The following MAN1C1 variants were observed in gnomAD, a reference collection of about 807,000 sequenced individuals.
The protein encoded by MAN1C1 is mannosidase alpha class 1C member 1, also known as mannosyl-oligosaccharide 1,2-alpha-mannosidase IC.
Under a neutral mutation model 71.5 loss-of-function variants are expected in MAN1C1, and 49 were observed. The ratio of observed to expected loss-of-function variants is 0.69; its 90% CI spans 0.54 to 0.87. The LOEUF is 0.87. MAN1C1 is among the 40% of genes least tolerant of loss of function. MAN1C1 has a pLI of 0.00. For synonymous variants in MAN1C1, 352 were observed against 343.7 expected (o/e 1.02, Z -0.27); for missense variants, 743 against 835.0 (o/e 0.89, Z 1.36).
At position 25,617,280 on chromosome 1, in the gene MAN1C1, C is replaced by T. The variant is rs996795222; in HGVS notation, c.-518C>T. 6.6e-6 allele frequency among the ~76,000 whole-genome samples: 1 copy of T among 151,810 alleles called. No homozygotes were observed. Among genetic ancestry groups the T allele is most frequent in the Non-Finnish European group, 1.5e-5 (1 of 67,892 alleles). ...GCGCGCGCTCGGGGCGGCGCTGACA[C>T]GCCAGCCCCCCATCGCCTCGGTCCC... is the stretch of plus-strand genomic sequence containing the variant. On this transcript the variant is annotated 5_prime_UTR_variant, in exon 1 of 12. It adds an upstream start codon to the 5' untranslated region. Coordinates refer to ENST00000374332, the MANE Select transcript of MAN1C1 (RefSeq NM_020379.4). The surrounding 1 kb of genome is among the most constrained non-coding windows in gnomAD (Gnocchi z 5.1).
chr1:25,728,736 G>A (rs191718011), intron 2 of MAN1C1, among the ~76,000 whole-genome samples: 5 of 152,314 alleles, frequency 3.3e-5, no homozygotes, highest in East Asian at 1.9e-4. Context: ...TGGGTCCTGC[G>A]GCTCCACCTA....
In MAN1C1 at chr1:25,679,291, T is replaced by C. The variant is rs551214067; in HGVS notation, c.541-7149T>C. ...GGCACCTCCTTTGAGCATGCTAATA[T>C]AATTATAAAAGGAGAAACCAAAATA... On this transcript the variant is annotated intron_variant, in intron 1 of 11. Transcript: ENST00000374332. 1.6e-4 allele frequency among the ~76,000 whole-genome samples: 24 copies of C among 152,222 alleles called. No individual in the cohort carries two copies. The South Asian group carries it at 5.0e-3, about 32-fold the overall frequency.
At chr1:25,743,024 T>A (rs1039746817) in intron 2 of MAN1C1, among the ~76,000 whole-genome samples, 1 of 152,198 alleles carries the variant, frequency 6.6e-6, no homozygotes, top group South Asian at 2.1e-4. Context: ...ATAGGTTGTA[T>A]TTATCAGATG....
At chr1:25,660,309 G>A (rs187443466) in intron 1 of MAN1C1, among the ~76,000 whole-genome samples, 146 of 151,918 alleles carry the variant, frequency 9.6e-4, no homozygotes, top group Middle Eastern at 3.4e-3. Flanking sequence ...GCTGAAGCAG[G>A]AGAATCACTT....
At chr1:25,629,498 C>A (rs1236501045) in intron 1 of MAN1C1, among the ~76,000 whole-genome samples, 2 of 152,114 alleles carry the variant, frequency 1.3e-5, no homozygotes, top group Non-Finnish European at 2.9e-5. Context: ...TGCAGTGGTG[C>A]GATCTTGGCT....
In MAN1C1 at chr1:25,618,402, C is replaced by A. The variant is rs2045149621; in HGVS notation, c.540+65C>A. 5 of 1,461,502 alleles carry A rather than the reference C, an allele frequency of 3.4e-6. No individual in the cohort carries two copies. The South Asian group carries it at 6.3e-5, about 18-fold the overall frequency. 90.5% of individuals were successfully genotyped at this position (1,461,502 alleles called of 1,614,324 possible). The stretch of plus-strand genomic sequence containing the variant: ...CCTCTAAGGAGAGAAGACCCTCTGG[C>A]GCTCCCACCCCTTTCCCTTGCCTCA... On this transcript the variant is annotated intron_variant, in intron 1 of 11. Coordinates refer to ENST00000374332, the MANE Select transcript of MAN1C1 (RefSeq NM_020379.4).
chr1:25,765,084 A>G lies in MAN1C1; in HGVS notation c.1141+1117A>G, dbSNP rs568820659. 9.2e-5 allele frequency among the ~76,000 whole-genome samples: 14 copies of G among 152,280 alleles called. No homozygotes were observed. In the East Asian group the frequency reaches 2.5e-3, roughly 27 times the overall value. Reference sequence around the variant, plus strand: ...AAAGACGTCATGAATTCATCTATACATCTTAGACCTACAAGAATCAGTCCC... The same window carrying G: ...AAAGACGTCATGAATTCATCTATACGTCTTAGACCTACAAGAATCAGTCCC... On this transcript the variant is annotated intron_variant, in intron 7 of 11. Transcript: ENST00000374332.
At chr1:25,738,532 G>A (rs2047014153) in intron 2 of MAN1C1, among the ~76,000 whole-genome samples, 1 of 152,242 alleles carries the variant, frequency 6.6e-6, no homozygotes, top group Admixed American at 6.5e-5. Flanking sequence ...CACAGATTGA[G>A]TGGGTCAGTA....
At chr1:25,751,092 TTTCC>T (rs1233207207) in intron 4 of MAN1C1, among the ~76,000 whole-genome samples, 5 of 150,926 alleles carry the variant, frequency 3.3e-5, no homozygotes, top group Non-Finnish European at 7.4e-5. Context: ...TCCATCCATC[TTTCC>T]TTCCTTCCTT....
chr1:25,643,573 TTA>T (rs1409448161), intron 1 of MAN1C1, among the ~76,000 whole-genome samples: 1 of 140,518 alleles, frequency 7.1e-6, no homozygotes, highest in African/African-American at 2.8e-5. Context: ...GCCTGGCCTT[TTA>T]TATATATATA....
intron 2 of MAN1C1, among the ~76,000 whole-genome samples, chr1:25,715,650 A>C (rs748339362): frequency 3.9e-5 from 6 of 152,164 alleles, no homozygotes; most frequent in Admixed American, 2.0e-4. Context: ...CTGAGCACCT[A>C]CTATGTGCCA....
chr1:25,689,300 G>A (rs776033865), intron 2 of MAN1C1, among the ~76,000 whole-genome samples: 5 of 152,100 alleles, frequency 3.3e-5, no homozygotes, highest in East Asian at 3.9e-4. Flanking sequence ...CAGTCCTTAC[G>A]GGCTGGAACT....
At chr1:25,621,631 G>T (rs1336815357) in intron 1 of MAN1C1, among the ~76,000 whole-genome samples, 1 of 148,052 alleles carries the variant, frequency 6.8e-6, no homozygotes, top group African/African-American at 2.5e-5. Flanking sequence ...GTTTGTGTTT[G>T]TTTTTTTTTT....
chr1:25,618,373 G>T (rs1340237659), intron 1 of MAN1C1, 36 bp downstream of exon 1: 1 of 1,567,728 alleles, frequency 6.4e-7, no homozygotes, highest in Non-Finnish European at 8.6e-7. Flanking sequence ...CCCACCAACT[G>T]CCCCCTCTAA....
At chr1:25,644,200 A>G (rs1185627757) in intron 1 of MAN1C1, among the ~76,000 whole-genome samples, 2 of 152,078 alleles carry the variant, frequency 1.3e-5, no homozygotes, top group Non-Finnish European at 2.9e-5. Context: ...ATGGCATTTC[A>G]GGAGAATGTG....
intron 2 of MAN1C1, among the ~76,000 whole-genome samples, chr1:25,700,840 AG>A (rs1480879787): frequency 2.0e-5 from 3 of 151,754 alleles, no homozygotes; most frequent in African/African-American, 7.3e-5. Flanking sequence ...CCTGCTGGGC[AG>A]TGTTGGTGCT....
intron 1 of MAN1C1, among the ~76,000 whole-genome samples, chr1:25,664,790 G>T (rs1399396985): frequency 1.3e-5 from 2 of 152,230 alleles, no homozygotes; most frequent in Non-Finnish European, 2.9e-5. Flanking sequence ...CTGGGCGGGG[G>T]CTGTGACTCA....
In MAN1C1 at chr1:25,753,584, G is replaced by A; in HGVS notation, c.929+6G>A. On this transcript the variant is annotated splice_donor_region_variant and intron_variant, in intron 5 of 11. Transcript: ENST00000374332. This position sits in a 1 kb window ranked among gnomAD's most constrained non-coding sequence, Gnocchi z 4.9. ...GGCGTGGTGAGCTTCAAAAGGTAGG[G>A]CGCCATCGCGTTCCCCACTGGGGCT... The A allele has an allele frequency of 6.2e-7, 1 of 1,612,610 alleles. No individual in the cohort carries two copies.
chr1:25,698,522 T>G (rs914507982), intron 2 of MAN1C1, among the ~76,000 whole-genome samples: 1 of 152,140 alleles, frequency 6.6e-6, no homozygotes, highest in Non-Finnish European at 1.5e-5. Context: ...AGACAGACGC[T>G]CTGTGACCCT....
Sources: allele counts gnomAD v4.1 joint callset (sites outside exome capture counted in the v4.1 genomes callset), GRCh38; gene constraint gnomAD v4.1.1; non-coding constraint Gnocchi (gnomAD v3.1); transcripts MANE v1.5; gene names NCBI Gene and HGNC (gene_info 2026-07-23, HGNC 2026-07-21).